Variants in RBFOX1 observed in about 807,000 individuals in gnomAD.
RBFOX1 encodes the protein RNA binding protein fox-1 homolog 1.
A neutral mutation model predicts 57.7 loss-of-function variants in RBFOX1; 8 were observed. The observed-to-expected ratio is 0.14, with a 90% CI of 0.08 to 0.25. The LOEUF (loss-of-function observed/expected upper bound fraction) is 0.25. Ranked by LOEUF, RBFOX1 falls within the 10% of genes least tolerant of loss-of-function variation. The probability of loss-of-function intolerance (pLI) is 1.00; values close to 1 mark genes in which losing one functional copy is unlikely to be tolerated. For missense variants in RBFOX1, 611 were observed against 548.5 expected, an observed-to-expected ratio of 1.11 and a Z score of -1.14; for synonymous variants, 326 against 222.4, an observed-to-expected ratio of 1.47 and a Z score of -4.15.
At chr16:5,443,321 C>A (rs1222906613) in intron 1 of RBFOX1, among the ~76,000 whole-genome samples, 1 of 152,096 alleles carries the variant, frequency 6.6e-6, no homozygotes, top group African/African-American at 2.4e-5. Flanking sequence ...CCTCATGTCA[C>A]CTACCATCTG....
At chr16:7,083,200 T>C (rs1048732274) in intron 4 of RBFOX1, among the ~76,000 whole-genome samples, 1 of 152,088 alleles carries the variant, frequency 6.6e-6, no homozygotes, top group African/African-American at 2.4e-5. Context: ...GTCCACGGAA[T>C]GTTCCATTCC....
At chr16:5,901,176 A>C (rs1487062359) in intron 4 of RBFOX1, among the ~76,000 whole-genome samples, 1 of 152,174 alleles carries the variant, frequency 6.6e-6, no homozygotes, top group Non-Finnish European at 1.5e-5. Context: ...GGACCCTCTC[A>C]GCTTACCATT....
intron 3 of RBFOX1, among the ~76,000 whole-genome samples, chr16:6,784,932 A>G (rs184014777): frequency 3.7e-4 from 57 of 152,258 alleles, no homozygotes; most frequent in Admixed American, 9.2e-4. Context: ...CTTGAAAAAT[A>G]GCACAAGCAG....
At chr16:6,405,935 C>T (rs1418138896) in intron 2 of RBFOX1, among the ~76,000 whole-genome samples, 1 of 152,198 alleles carries the variant, frequency 6.6e-6, no homozygotes, top group Non-Finnish European at 1.5e-5. Flanking sequence ...AGAATTATCA[C>T]ATATGTCCAA....
At chr16:7,357,701 C>T (rs1216291272) in intron 4 of RBFOX1, among the ~76,000 whole-genome samples, 13 of 152,176 alleles carry the variant, frequency 8.5e-5, no homozygotes, top group Admixed American at 8.5e-4. Context: ...AGTTTTCTTG[C>T]CCTGCCCATG....
intron 1 of RBFOX1, chr16:6,038,580 A>C (rs1208355521): frequency 6.9e-6 from 1 of 145,296 alleles, no homozygotes; most frequent in African/African-American, 2.5e-5. Context: ...ATCCATATAT[A>C]TATATAAAAT....
At chr16:6,159,307 C>T (rs2096860575) in intron 1 of RBFOX1, among the ~76,000 whole-genome samples, 1 of 152,086 alleles carries the variant, frequency 6.6e-6, no homozygotes, top group African/African-American at 2.4e-5. Context: ...GAACTCCTGA[C>T]CTCAGGTGAT....
intron 4 of RBFOX1, among the ~76,000 whole-genome samples, chr16:5,970,175 A>C (rs1419532287): frequency 6.6e-6 from 1 of 152,020 alleles, no homozygotes; most frequent in African/African-American, 2.4e-5. Flanking sequence ...GAGTCTTGGG[A>C]TATGGATGGT....
intron 2 of RBFOX1, among the ~76,000 whole-genome samples, chr16:5,470,357 C>G (rs1009740781): frequency 6.6e-6 from 1 of 152,190 alleles, no homozygotes; most frequent in African/African-American, 2.4e-5. Flanking sequence ...CCTGGTATAC[C>G]CCCTTTTCCC....
rs533055614 is a variant in RBFOX1 at position 6,121,579 on chromosome 16, G to T, written c.-127+101587G>T. 2.0e-5 allele frequency among the ~76,000 whole-genome samples: 3 copies of T among 152,286 alleles called. No homozygotes were observed. In the East Asian group the frequency reaches 5.8e-4, roughly 29 times the overall value. On this transcript the variant is annotated intron_variant, in intron 1 of 15. Coordinates refer to ENST00000550418, the MANE Select transcript of RBFOX1 (RefSeq NM_018723.4). ...GTCACTCCATTTGCTTGTACACTGT[G>T]CCTGCCTTGTCTAAGGGAGCATTCC... is the stretch of plus-strand genomic sequence containing the variant.
chr16:6,871,400 G>C lies in RBFOX1; in HGVS notation c.-15-180657G>C, dbSNP rs142372680. ...AGGGTTTCAGTATGTTGGCCAGGCT[G>C]GTCTCAAACTCCTGAGGTCAAATGA... On this transcript the variant is annotated intron_variant, in intron 3 of 15. Coordinates refer to ENST00000550418, the MANE Select transcript of RBFOX1 (RefSeq NM_018723.4). 8.0e-3 allele frequency among the ~76,000 whole-genome samples: 1,222 copies of C among 152,146 alleles called. 7 individuals are homozygous for C. The highest frequency in any genetic ancestry group is 0.027 in the Middle Eastern group (8 of 294).
chr16:6,970,269 G>A (rs1163981083), intron 3 of RBFOX1, among the ~76,000 whole-genome samples: 1 of 152,068 alleles, frequency 6.6e-6, no homozygotes, highest in Admixed American at 6.6e-5. Flanking sequence ...AGAAGGCAGG[G>A]TACTTTCAAT....
At chr16:6,901,751 C>T (rs4786948) in intron 3 of RBFOX1, among the ~76,000 whole-genome samples, 1 of 151,886 alleles carries the variant, frequency 6.6e-6, no homozygotes, top group Non-Finnish European at 1.5e-5. Flanking sequence ...TGCTTCAGAC[C>T]CAGTAGAGAT....
intron 4 of RBFOX1, among the ~76,000 whole-genome samples, chr16:7,247,584 A>C (rs1220837588): frequency 6.6e-6 from 1 of 152,216 alleles, no homozygotes; most frequent in East Asian, 1.9e-4. Context: ...CAAAAGCTAA[A>C]AGCCCCCAGG....
chr16:6,858,538 A>T (rs2058327942), intron 3 of RBFOX1, among the ~76,000 whole-genome samples: 1 of 152,160 alleles, frequency 6.6e-6, no homozygotes, highest in East Asian at 1.9e-4. Flanking sequence ...TGCTTGTTTT[A>T]CTTAGAATCG....
intron 3 of RBFOX1, among the ~76,000 whole-genome samples, chr16:5,805,943 A>G (rs1256974533): frequency 6.6e-6 from 1 of 152,190 alleles, no homozygotes; most frequent in African/African-American, 2.4e-5. Context: ...AAATGGAGAA[A>G]TCTGTCCTGC....
At chr16:5,841,895 G>A (rs556166366) in intron 3 of RBFOX1, among the ~76,000 whole-genome samples, 14 of 152,310 alleles carry the variant, frequency 9.2e-5, no homozygotes, top group Admixed American at 3.9e-4. Context: ...CCTCAAAGCC[G>A]AGAGTCTCAA....
intron 3 of RBFOX1, among the ~76,000 whole-genome samples, chr16:5,827,995 AATCC>A (rs2151820135): frequency 7.3e-6 from 1 of 136,670 alleles, no homozygotes; most frequent in Non-Finnish European, 1.5e-5. Context: ...CTATGCATCC[AATCC>A]ATCCATCCAT....
chr16:6,977,155 ATATCATATAT>A (rs376085419), intron 3 of RBFOX1, among the ~76,000 whole-genome samples: 16 of 136,728 alleles, frequency 1.2e-4, no homozygotes, highest in African/African-American at 3.9e-4. Flanking sequence ...TATATCATAT[ATATCATATAT>A]TATCATATAT....
Sources: gnomAD v4.1 joint callset for allele counts (sites outside exome capture counted in the v4.1 genomes callset) on GRCh38, gnomAD v4.1.1 for gene constraint, MANE v1.5 for transcripts, NCBI Gene and HGNC (gene_info 2026-07-23, HGNC 2026-07-21) for gene names.